The following TEKT1 variants were observed in gnomAD, a reference collection of about 807,000 sequenced individuals.
TEKT1 encodes the protein tektin-1.
A neutral mutation model predicts 34.8 loss-of-function variants in TEKT1; 32 were observed. The ratio of observed to expected loss-of-function variants is 0.92; its 90% confidence interval spans 0.69 to 1.23. TEKT1 has a LOEUF of 1.23. Among genes scored for constraint, TEKT1 ranks in the 50% most tolerant of loss-of-function variants. The probability of loss-of-function intolerance (pLI) is 0.00; values close to 1 mark genes in which losing one functional copy is unlikely to be tolerated. For missense variants in TEKT1, 492 were observed against 518.5 expected, an observed-to-expected ratio of 0.95 and a Z score of 0.50; for synonymous variants, 207 against 199.8, an observed-to-expected ratio of 1.04 and a Z score of -0.30.
In TEKT1 at chr17:6,812,828, C is replaced by T; in HGVS notation, c.852+3G>A. The T allele has an allele frequency of 6.2e-7, 1 of 1,613,146 alleles. No homozygotes were observed. The highest frequency in any genetic ancestry group is 8.5e-7 in the Non-Finnish European group (1 of 1,179,730). ...TCTTCCATGCTCCCTCAAGGGACCTCACCTTGGCCAGATGATCAGCCAGCT... is the reference window on the plus strand; with the variant it reads ...TCTTCCATGCTCCCTCAAGGGACCTTACCTTGGCCAGATGATCAGCCAGCT... On this transcript the variant is annotated splice_donor_region_variant and intron_variant, in intron 6 of 7. Coordinates refer to ENST00000338694, the MANE Select transcript of TEKT1 (RefSeq NM_053285.2).
rs914471803 is a variant in TEKT1, at chr17:6,798,360, G to A, written c.*1667C>T. Reference sequence around the variant, plus strand: ...TTCACAAGGAAGGATTTTGCCCAGTGTCTTCACACCCTGCCAGCCACATCC... The same window carrying A: ...TTCACAAGGAAGGATTTTGCCCAGTATCTTCACACCCTGCCAGCCACATCC... On this transcript the variant is annotated 3_prime_UTR_variant, in exon 8 of 8. Coordinates refer to ENST00000338694, the MANE Select transcript of TEKT1 (RefSeq NM_053285.2). 4 of 152,388 alleles carry A rather than the reference G, an allele frequency of 2.6e-5. No individual in the cohort carries two copies. In the Middle Eastern group the frequency reaches 0.01, roughly 389 times the overall value. 9.4% of individuals were successfully genotyped at this position (152,388 alleles called of 1,614,324 possible).
intron 2 of TEKT1, among the ~76,000 whole-genome samples, chr17:6,828,495 T>A: frequency 6.6e-6 from 1 of 152,198 alleles, no homozygotes. Context: ...AAAACGTGAA[T>A]AAATTCCTGC....
intron 2 of TEKT1, among the ~76,000 whole-genome samples, chr17:6,829,940 TG>T (rs1904523063): frequency 6.6e-6 from 1 of 152,180 alleles, no homozygotes; most frequent in African/African-American, 2.4e-5. Context: ...AGTACATAGA[TG>T]CCCATAGATG....
At chr17:6,812,787 C>T (rs1387895533) in intron 6 of TEKT1, 44 bp downstream of exon 6, 3 of 1,582,352 alleles carry the variant, frequency 1.9e-6, no homozygotes, top group Non-Finnish European at 2.6e-6. Context: ...ATGGTGAAAG[C>T]TCCTGAATCT....
chr17:6,800,109 T>G lies in TEKT1; in HGVS notation c.1175A>C (p.Gln392Pro). ...TIYIDEVLCM[Q>P]MRKSIPLRDG... The stretch of plus-strand genomic sequence containing the variant: ...CCGAAGTGGGATGGATTTCCTCATC[T>G]GCATACACAGCACTTCGTCGATATA... Residue 392 changes from glutamine (Q) to proline (P), a missense_variant, in exon 8 of 8, where the codon CAG (glutamine) becomes CCG (proline). Coordinates refer to ENST00000338694, the MANE Select transcript of TEKT1 (RefSeq NM_053285.2). The G allele has an allele frequency of 6.2e-7, 1 of 1,614,074 alleles. No individual in the cohort carries two copies. The highest frequency in any genetic ancestry group is 1.1e-5 in the South Asian group (1 of 91,092).
In TEKT1 at chr17:6,830,335, T is replaced by C; in HGVS notation, c.42A>G (p.Ser14=). The C allele has an allele frequency of 6.2e-7, 1 of 1,604,350 alleles. No individual in the cohort carries two copies. Among genetic ancestry groups the C allele is most frequent in the Non-Finnish European group, 8.5e-7 (1 of 1,178,158 alleles). Residue 14 remains serine, a synonymous_variant, in exon 2 of 8, where the codon TCA becomes TCG. Coordinates refer to ENST00000338694, the MANE Select transcript of TEKT1 (RefSeq NM_053285.2). ...GGTTCTTGTTAGCAATGTGCCACTC[T>C]GAGGGCAGGAACTTGGGTGGAGGTT... is the stretch of plus-strand genomic sequence containing the variant. ...LLQPPPKFLP[S]EWHIANKNQY... is the part of the protein sequence containing the mutation.
intron 1 of TEKT1, among the ~76,000 whole-genome samples, chr17:6,830,604 A>G (rs1904550086): frequency 6.6e-6 from 1 of 152,188 alleles, no homozygotes. Context: ...CAAGCCCCTC[A>G]GGGTAACCAG....
chr17:6,815,417 T>C (rs1023513777), intron 4 of TEKT1, 111 bp from the exon 5 acceptor site: 72 of 1,306,556 alleles, frequency 5.5e-5, no homozygotes, highest in Admixed American at 6.8e-5. Flanking sequence ...TGCAGGATGA[T>C]GGTACTGCCC....
intron 2 of TEKT1, among the ~76,000 whole-genome samples, chr17:6,824,479 A>G (rs1904342120): frequency 6.6e-6 from 1 of 151,998 alleles, no homozygotes; most frequent in Non-Finnish European, 1.5e-5. Context: ...TAAATGTCCC[A>G]CTCATCCTGC....
Position 6,799,903 on chromosome 17 carries a change from G to A in TEKT1, c.*124C>T. ...CAAAATCAGCCCCCTGAGCAGGCTT[G>A]GAATGCCAGCCAAGAGGTTGCAGCA... On this transcript the variant is annotated 3_prime_UTR_variant, in exon 8 of 8. Coordinates refer to ENST00000338694, the MANE Select transcript of TEKT1 (RefSeq NM_053285.2). 1 of 926,782 alleles carries A rather than the reference G, an allele frequency of 1.1e-6. No individual in the cohort carries two copies. Among genetic ancestry groups the A allele is most frequent in the Non-Finnish European group, 1.6e-6 (1 of 629,812 alleles). 57.4% of individuals were successfully genotyped at this position (926,782 alleles called of 1,614,324 possible). A position where few individuals can be genotyped will look rare whatever the true frequency, so the allele number is the denominator to read the frequency against.
At position 6,813,009 on chromosome 17, in the gene TEKT1, A is replaced by G; in HGVS notation, c.674T>C (p.Val225Ala). The G allele has an allele frequency of 6.2e-7, 1 of 1,614,202 alleles. No homozygotes were observed. The highest frequency in any genetic ancestry group is 1.1e-5 in the South Asian group (1 of 91,088). Residue 225 changes from valine to alanine, a missense_variant, in exon 6 of 8, where the codon GTG becomes GCG. Transcript: ENST00000338694. ...EDWLDFSSTN[V>A]EKADKQRNNS... is the part of the protein sequence containing the mutation. ...GTTCCGCTGCTTGTCAGCCTTCTCC[A>G]CATTGGTGCTGGAGAAGTCCAACCA...
At chr17:6,826,617 CAGATAGATAGAT>C (rs78082301) in intron 2 of TEKT1, among the ~76,000 whole-genome samples, 4,341 of 145,952 alleles carry the variant, frequency 0.03, 83 homozygotes, top group Non-Finnish European at 0.04. Flanking sequence ...CTTAGATTTG[CAGATAGATAGAT>C]AGATAGATAG....
chr17:6,813,246 G>A (rs534841020), intron 5 of TEKT1, among the ~76,000 whole-genome samples, 193 bp from the exon 6 acceptor site: 165 of 152,164 alleles, frequency 1.1e-3, no homozygotes, highest in Non-Finnish European at 1.5e-3. Context: ...GCATTGGGCT[G>A]GCACCTTATA....
At chr17:6,823,433 T>C (rs1904318750) in intron 2 of TEKT1, among the ~76,000 whole-genome samples, 1 of 152,236 alleles carries the variant, frequency 6.6e-6, no homozygotes, top group African/African-American at 2.4e-5. Context: ...TCTCTGTGTG[T>C]GTGTATGTGT....
At chr17:6,828,919 G>C (rs1163759741) in intron 2 of TEKT1, among the ~76,000 whole-genome samples, 2 of 152,092 alleles carry the variant, frequency 1.3e-5, no homozygotes, top group Non-Finnish European at 2.9e-5. Flanking sequence ...GGGAGGCTGA[G>C]GCGGGCGGAC....
chr17:6,815,123 T>G, intron 5 of TEKT1, 40 bp downstream of exon 5: 1 of 1,578,958 alleles, frequency 6.3e-7, no homozygotes, highest in Non-Finnish European at 8.6e-7. Context: ...TGAGAAGCAC[T>G]GGGTCACCCG....
At chr17:6,801,199 A>C (rs1314685679) in intron 6 of TEKT1, among the ~76,000 whole-genome samples, 2 of 152,194 alleles carry the variant, frequency 1.3e-5, no homozygotes, top group African/African-American at 4.8e-5. Flanking sequence ...AGATGCCCTC[A>C]GCAAAGGCCT....
rs8081510 is a variant in TEKT1, at chr17:6,813,066, T to A, written c.630-13A>T. The A allele has an allele frequency of 4.4e-6, 7 of 1,606,940 alleles. No homozygotes were observed. The African/African-American group carries it at 8.0e-5, about 18-fold the overall frequency. On this transcript the variant is annotated splice_polypyrimidine_tract_variant and intron_variant, in intron 5 of 7. Transcript: ENST00000338694. ...CAGACTCACGGAGCTGAAACAGACC[T>A]CACGCTTTCATTCACAGCATATTTG...
intron 2 of TEKT1, among the ~76,000 whole-genome samples, chr17:6,822,365 G>T (rs1050577293): frequency 6.6e-6 from 1 of 152,090 alleles, no homozygotes; most frequent in Non-Finnish European, 1.5e-5. Context: ...TCAAACTCCT[G>T]GTCTCAACTG....
Sources: allele counts gnomAD v4.1 joint callset (sites outside exome capture counted in the v4.1 genomes callset), GRCh38; gene constraint gnomAD v4.1.1; transcripts MANE v1.5; gene names NCBI Gene and HGNC (gene_info 2026-07-23, HGNC 2026-07-21).